Variants in USP40 observed in about 807,000 individuals in gnomAD.
USP40 encodes the protein ubiquitin carboxyl-terminal hydrolase 40.
A neutral mutation model predicts 166.2 loss-of-function variants in USP40; 143 were observed. The ratio of observed to expected loss-of-function variants is 0.86; its 90% confidence interval spans 0.75 to 0.99. The LOEUF (loss-of-function observed/expected upper bound fraction) is 0.99. Ranked by LOEUF, USP40 falls within the 50% of genes least tolerant of loss-of-function variation. The pLI is 0.00. For synonymous variants in USP40, 498 were observed against 524.0 expected (o/e 0.95, Z 0.68); for missense variants, 1,444 against 1,479.7 (o/e 0.98, Z 0.40).
At chr2:233,539,412 GT>G (rs2069194475) in intron 10 of USP40, among the ~76,000 whole-genome samples, 1 of 152,064 alleles carries the variant, frequency 6.6e-6, no homozygotes, top group Admixed American at 6.5e-5. Flanking sequence ...TATAGAGTAT[GT>G]TCTCAAAGTA....
At chr2:233,500,343 C>G (rs931202308) in intron 21 of USP40, among the ~76,000 whole-genome samples, 8 of 152,314 alleles carry the variant, frequency 5.3e-5, no homozygotes, top group African/African-American at 1.9e-4. Context: ...TTATGACTGT[C>G]TGAATTTCCC....
At chr2:233,481,477 C>T in intron 30 of USP40, 180 bp from the exon 31 acceptor site, 1 of 604,104 alleles carries the variant, frequency 1.7e-6, no homozygotes. Context: ...TCGGGGGTGG[C>T]AAGAAGAGCT....
intron 7 of USP40, among the ~76,000 whole-genome samples, chr2:233,550,749 G>C (rs1414633747): frequency 6.6e-6 from 1 of 152,140 alleles, no homozygotes; most frequent in South Asian, 2.1e-4. Flanking sequence ...GGCTTACAAA[G>C]TAGGTTGATT....
chr2:233,508,817 G>A (rs761982184), intron 21 of USP40, among the ~76,000 whole-genome samples: 6 of 152,236 alleles, frequency 3.9e-5, no homozygotes, highest in Non-Finnish European at 8.8e-5. Context: ...ATAGGTAACT[G>A]CACATTTTTG....
intron 6 of USP40, 99 bp from the exon 7 acceptor site, chr2:233,551,618 T>C: frequency 8.6e-7 from 1 of 1,163,472 alleles, no homozygotes; most frequent in East Asian, 2.6e-5. Flanking sequence ...ATGACACAGT[T>C]CTAAGAGAAA....
intron 21 of USP40, among the ~76,000 whole-genome samples, chr2:233,500,200 T>C (rs1292471189): frequency 6.6e-6 from 1 of 152,232 alleles, no homozygotes; most frequent in Non-Finnish European, 1.5e-5. Context: ...CATGACTTTC[T>C]TCCTGTAAGG....
At chr2:233,530,177 T>C (rs963542949) in intron 11 of USP40, among the ~76,000 whole-genome samples, 1 of 149,520 alleles carries the variant, frequency 6.7e-6, no homozygotes, top group Non-Finnish European at 1.5e-5. Flanking sequence ...GTAAAAGAAA[T>C]AGATACTGCT....
chr2:233,556,234 A>T (rs2071082035), intron 5 of USP40, among the ~76,000 whole-genome samples: 1 of 152,174 alleles, frequency 6.6e-6, no homozygotes. Context: ...GTGATAATTG[A>T]CTATATAAGA....
chr2:233,540,809 G>T, intron 9 of USP40, 40 bp from the exon 10 acceptor site: 1 of 1,475,600 alleles, frequency 6.8e-7, no homozygotes, highest in Non-Finnish European at 9.5e-7. Flanking sequence ...AATCTGATGA[G>T]AAATAATTGC....
At chr2:233,501,667 A>G (rs1387612738) in intron 21 of USP40, among the ~76,000 whole-genome samples, 1 of 152,240 alleles carries the variant, frequency 6.6e-6, no homozygotes, top group East Asian at 1.9e-4. Flanking sequence ...CTGAATGTGA[A>G]GTAAGAAAGA....
chr2:233,509,064 C>T (rs899332560), intron 21 of USP40, among the ~76,000 whole-genome samples: 22 of 152,090 alleles, frequency 1.4e-4, no homozygotes, highest in Non-Finnish European at 2.9e-5. Flanking sequence ...TTCTAAGATG[C>T]CCTGGTTCCT....
chr2:233,496,019 G>A (rs1210415075), intron 24 of USP40, among the ~76,000 whole-genome samples: 1 of 152,188 alleles, frequency 6.6e-6, no homozygotes, highest in African/African-American at 2.4e-5. Context: ...ACAAATATGT[G>A]TAATGTTTTT....
At chr2:233,512,085 A>C in intron 19 of USP40, 1 of 264,620 alleles carries the variant, frequency 3.8e-6, no homozygotes. Flanking sequence ...TGTTGTTTAT[A>C]TAGATTAAAA....
At chr2:233,528,455 C>T (rs151052079) in intron 12 of USP40, among the ~76,000 whole-genome samples, 278 of 152,292 alleles carry the variant, frequency 1.8e-3, no homozygotes, top group African/African-American at 6.3e-3. Context: ...AGGCTTATCA[C>T]GCAACTCACG....
At chr2:233,491,022 G>A (rs755264556) in intron 26 of USP40, 145 bp downstream of exon 26, 24 of 751,244 alleles carry the variant, frequency 3.2e-5, no homozygotes, top group South Asian at 1.6e-4. Flanking sequence ...TATTGCCTGC[G>A]GGTACTTACC....
chr2:233,561,272 C>G, intron 3 of USP40: 1 of 1,446,738 alleles, frequency 6.9e-7, no homozygotes. Flanking sequence ...CAATCCTAAG[C>G]CAAAAGAACA....
At chr2:233,557,257 T>C (rs2071178772) in intron 4 of USP40, among the ~76,000 whole-genome samples, 1 of 152,252 alleles carries the variant, frequency 6.6e-6, no homozygotes, top group Non-Finnish European at 1.5e-5. Context: ...TCAATTCCTT[T>C]GACACCCAGA....
At chr2:233,560,740 T>G (rs1192973772) in intron 3 of USP40, 1 of 385,128 alleles carries the variant, frequency 2.6e-6, no homozygotes, top group Non-Finnish European at 4.6e-6. Flanking sequence ...ACAAACAAAA[T>G]AATTAACTCA....
In USP40 at chr2:233,493,676, GATTT is replaced by G. The variant is rs2065491656; in HGVS notation, c.2791-129_2791-126del. ...CTTGAACTTATCATTTTTCCTTTTA[GATTT>G]ATTAACTGTCATAAATTATACTTGT... On this transcript the variant is annotated intron_variant, in intron 24 of 31. Transcript: ENST00000678225. This position sits in a 1 kb window ranked among gnomAD's most constrained non-coding sequence, Gnocchi z 4.7. The G allele has an allele frequency of 8.6e-7, 1 of 1,158,402 alleles. No homozygotes were observed. The highest frequency in any genetic ancestry group is 1.2e-6 in the Non-Finnish European group (1 of 862,610). 71.8% of individuals were successfully genotyped at this position (1,158,402 alleles called of 1,614,324 possible).
Sources: gnomAD v4.1 joint callset for allele counts (sites outside exome capture counted in the v4.1 genomes callset) on GRCh38, gnomAD v4.1.1 for gene constraint, Gnocchi (gnomAD v3.1) non-coding constraint, MANE v1.5 for transcripts, NCBI Gene and HGNC (gene_info 2026-07-23, HGNC 2026-07-21) for gene names.